LRRC57: variants seen among roughly 807,000 people sequenced by gnomAD.
LRRC57 encodes leucine-rich repeat-containing protein 57.
LRRC57 carries 14 observed loss-of-function variants against 23.1 expected under a neutral mutation model. The ratio of observed to expected loss-of-function variants is 0.61; its 90% CI spans 0.40 to 0.95. The LOEUF (loss-of-function observed/expected upper bound fraction) is 0.95. Among genes scored for constraint, LRRC57 ranks in the 40% least tolerant of loss-of-function variants. The pLI is 0.00. For synonymous variants in LRRC57, 106 were observed against 115.2 expected (o/e 0.92, Z 0.51); for missense variants, 236 against 284.4 (o/e 0.83, Z 1.22).
downstream of LRRC57, among the ~76,000 whole-genome samples, chr15:42,533,250 G>A (rs1186546011): frequency 6.6e-6 from 1 of 152,114 alleles, no homozygotes; most frequent in Non-Finnish European, 1.5e-5. Flanking sequence ...AACTTACCTT[G>A]CTAAAAATTT....
chr15:42,528,579 T>G, the LRRC57 span, among the ~76,000 whole-genome samples: 89 of 148,354 alleles, frequency 6.0e-4, no homozygotes, highest in South Asian at 2.9e-3. Context: ...AAAATGTGGG[T>G]TTTTTTTATT....
rs1037973697 is a variant in LRRC57, at chr15:42,540,639, A to T, written c.*3444T>A. 1 of 152,256 alleles carries T rather than the reference A, an allele frequency of 6.6e-6. No homozygotes were observed. Among genetic ancestry groups the T allele is most frequent in the East Asian group, 1.9e-4 (1 of 5,190 alleles). 9.4% of individuals were successfully genotyped at this position (152,256 alleles called of 1,614,324 possible). ...AGAGTGAAGAAAGGGCAATAAGTCT[A>T]GGCCCAAATTGTGAAGGGTGGTAGT... On this transcript the variant is annotated 3_prime_UTR_variant, in exon 6 of 6. Coordinates refer to ENST00000397130, the MANE Select transcript of LRRC57 (RefSeq NM_153260.3).
At chr15:42,531,331 TGTCA>T in the LRRC57 span, 1 of 835,978 alleles carries the variant, frequency 1.2e-6, no homozygotes, top group East Asian at 2.8e-5. Flanking sequence ...TTTCTTGGTG[TGTCA>T]GTTACTCCAA....
At chr15:42,532,897 C>T (rs1490953190), downstream of LRRC57, 2 of 152,588 alleles carry the variant, frequency 1.3e-5, no homozygotes, top group African/African-American at 2.4e-5. Flanking sequence ...GAACTATGTC[C>T]ATAATCAAGT....
In LRRC57 at chr15:42,544,842, C is replaced by CTATATATATATATATATATATATATA. The variant is rs143066320; in HGVS notation, c.678+234_678+235insTATATATATATATATATATATATATA. Reference sequence around the variant, plus strand: ...ACACACACACACACACACACACACACTATATATATATATATATCAAAAGAC... The same window carrying CTATATATATATATATATATATATATA: ...ACACACACACACACACACACACACACTATATATATATATATATATATATATATATATATATATATATATCAAAAGAC... On this transcript the variant is annotated intron_variant, in intron 5 of 5. Coordinates refer to ENST00000397130, the MANE Select transcript of LRRC57 (RefSeq NM_153260.3). Among the ~76,000 whole-genome samples, 68 of 98,018 alleles carry CTATATATATATATATATATATATATA rather than the reference C, an allele frequency of 6.9e-4. 1 individual carries two copies. Among genetic ancestry groups the CTATATATATATATATATATATATATA allele is most frequent in the African/African-American group, 4.2e-3 (63 of 15,018 alleles). 64.3% of individuals were successfully genotyped at this position (98,018 alleles called of 152,430 possible).
At position 42,548,130 on chromosome 15, in the gene LRRC57, G is replaced by A; in HGVS notation, c.199C>T (p.Leu67Phe). 6.2e-7 allele frequency: 1 copy of A among 1,614,228 alleles called. No individual in the cohort carries two copies. Among genetic ancestry groups the A allele is most frequent in the Non-Finnish European group, 8.5e-7 (1 of 1,180,034 alleles). ...CTCAGTTTGTTGTTGTTCAGGGAGA[G>A]GCTCTTCAGCAGAGTGAACTTTCCT... is the stretch of plus-strand genomic sequence containing the variant. ...LIGKFTLLKS[L>F]SLNNNKLTVL... The change falls in exon 3 of 6, where the codon CTC becomes TTC. Residue 67 changes from leucine to phenylalanine, a missense_variant. Leu to Phe is a conservative substitution (Grantham distance 22). Transcript: ENST00000397130.
chr15:42,531,286 A>G, the LRRC57 span: 1 of 533,742 alleles, frequency 1.9e-6, no homozygotes, highest in African/African-American at 1.9e-5. Flanking sequence ...GCCCAACATG[A>G]GTTTTGTAAT....
In LRRC57 at chr15:42,544,188, T is replaced by C. The variant is rs2057645156; in HGVS notation, c.679-64A>G. 2.2e-6 allele frequency: 3 copies of C among 1,340,376 alleles called. No homozygotes were observed. In the Admixed American group the frequency reaches 6.4e-5, roughly 29 times the overall value. 83.0% of individuals were successfully genotyped at this position (1,340,376 alleles called of 1,614,324 possible). A position where few individuals can be genotyped will look rare whatever the true frequency, so the allele number is the denominator to read the frequency against. ...ATGAGTAAATAAATATAAGCCTAAC[T>C]ATTTTTTTTTTCATTTTGGTTTTTA... On this transcript the variant is annotated intron_variant, in intron 5 of 5. Coordinates refer to ENST00000397130, the MANE Select transcript of LRRC57 (RefSeq NM_153260.3).
chr15:42,536,316 A>G (rs2057600511), downstream of LRRC57, among the ~76,000 whole-genome samples: 1 of 152,266 alleles, frequency 6.6e-6, no homozygotes, highest in African/African-American at 2.4e-5. Context: ...AATGGAGTGC[A>G]GTAAAATGAG....
chr15:42,535,533 T>C (rs1006694943), downstream of LRRC57, among the ~76,000 whole-genome samples: 5 of 151,640 alleles, frequency 3.3e-5, no homozygotes, highest in African/African-American at 1.2e-4. Context: ...GCAACCTCTG[T>C]CTCCCGAGTA....
downstream of LRRC57, among the ~76,000 whole-genome samples, chr15:42,535,165 A>G (rs1256822826): frequency 3.3e-5 from 5 of 152,232 alleles, no homozygotes; most frequent in Non-Finnish European, 2.9e-5. Context: ...CATCATCATT[A>G]TCTGGATAAC....
chr15:42,535,846 C>T (rs574832647), downstream of LRRC57, among the ~76,000 whole-genome samples: 1 of 152,268 alleles, frequency 6.6e-6, no homozygotes, highest in East Asian at 1.9e-4. Context: ...TTGGAGCAGT[C>T]AGAACACACA....
chr15:42,547,555 C>A, intron 3 of LRRC57, 26 bp from the exon 4 acceptor site: 1 of 1,589,766 alleles, frequency 6.3e-7, no homozygotes, highest in South Asian at 1.1e-5. Context: ...TTTTTTAAAA[C>A]CTGAATGTGA....
the LRRC57 span, chr15:42,531,288 T>C: frequency 1.8e-6 from 1 of 553,942 alleles, no homozygotes; most frequent in Non-Finnish European, 3.1e-6. Context: ...CCAACATGAG[T>C]TTTGTAATGT....
At chr15:42,531,619 C>T in the LRRC57 span, 16 of 549,722 alleles carry the variant, frequency 2.9e-5, no homozygotes, top group African/African-American at 2.9e-4. Flanking sequence ...GCAGTTACAG[C>T]CCTCCTTCTT....
the LRRC57 span, among the ~76,000 whole-genome samples, chr15:42,529,030 A>G: frequency 1.3e-5 from 2 of 152,226 alleles, no homozygotes; most frequent in African/African-American, 4.8e-5. Context: ...GTCATCTAGA[A>G]CAAGGGTCAG....
At chr15:42,534,370 C>T (rs909787029), downstream of LRRC57, among the ~76,000 whole-genome samples, 2 of 152,062 alleles carry the variant, frequency 1.3e-5, no homozygotes, top group Non-Finnish European at 2.9e-5. Flanking sequence ...ACCTTGTGAT[C>T]TACCCGCCTC....
rs536169490 is a variant in LRRC57 at position 42,548,279 on chromosome 15, C to A, written c.85-35G>T. 25 of 1,613,870 alleles carry A rather than the reference C, an allele frequency of 1.5e-5. No homozygotes were observed. The South Asian group carries it at 2.6e-4, about 17-fold the overall frequency. Reference sequence around the variant, plus strand: ...GGAGTTCACAGCGTGGGGAATCCCGCACCGACTAAGTTCGCCGCCCCCGCC... The same window carrying A: ...GGAGTTCACAGCGTGGGGAATCCCGAACCGACTAAGTTCGCCGCCCCCGCC... On this transcript the variant is annotated intron_variant, in intron 2 of 5. Coordinates refer to ENST00000397130, the MANE Select transcript of LRRC57 (RefSeq NM_153260.3).
Position 42,546,078 on chromosome 15 carries a change from C to T in LRRC57, c.493-816G>A, listed in dbSNP as rs79713676. Reference sequence around the variant, plus strand: ...CTCAAGCTCAATACCAAGCAATTGTCTTTGACTCACCCCTTTTGCCATTTA... The same window carrying T: ...CTCAAGCTCAATACCAAGCAATTGTTTTTGACTCACCCCTTTTGCCATTTA... On this transcript the variant is annotated intron_variant, in intron 4 of 5. Coordinates refer to ENST00000397130, the MANE Select transcript of LRRC57 (RefSeq NM_153260.3). Among the ~76,000 whole-genome samples, 71 of 152,314 alleles carry T rather than the reference C, an allele frequency of 4.7e-4. 1 individual carries two copies. The East Asian group carries it at 0.013, about 28-fold the overall frequency.
Sources: allele counts gnomAD v4.1 joint callset (sites outside exome capture counted in the v4.1 genomes callset), GRCh38; gene constraint gnomAD v4.1.1; transcripts MANE v1.5; gene names NCBI Gene and HGNC (gene_info 2026-07-23, HGNC 2026-07-21).